The following PCDHGB6 variants were observed in gnomAD, a reference collection of about 807,000 sequenced individuals.
The protein encoded by PCDHGB6 is protocadherin gamma subfamily B, 6, also known as protocadherin gamma-B6.
A neutral mutation model predicts 59.1 loss-of-function variants in PCDHGB6; 51 were observed. The observed-to-expected ratio is 0.86, with a 90% confidence interval of 0.69 to 1.09. The LOEUF is 1.09. Ranked by LOEUF, PCDHGB6 falls within the 50% of genes least tolerant of loss-of-function variation. The probability of loss-of-function intolerance (pLI) is 0.00; values close to 1 mark genes in which losing one functional copy is unlikely to be tolerated. For synonymous variants in PCDHGB6, 466 were observed against 495.1 expected, an observed-to-expected ratio of 0.94 and a Z score of 0.78; for missense variants, 1,148 against 1,205.1, an observed-to-expected ratio of 0.95 and a Z score of 0.70.
intron 1 of PCDHGB6, among the ~76,000 whole-genome samples, chr5:141,488,969 CCAAT>C (rs1303368467): frequency 4.6e-5 from 7 of 152,106 alleles, no homozygotes; most frequent in Non-Finnish European, 7.4e-5. Context: ...GACTTTTTGG[CCAAT>C]CAGACTCAGA....
At chr5:141,509,631 C>A (rs1250891268) in intron 3 of PCDHGB6, among the ~76,000 whole-genome samples, 1 of 152,200 alleles carries the variant, frequency 6.6e-6, no homozygotes, top group East Asian at 1.9e-4. Flanking sequence ...CTGGGTGATG[C>A]TGAGCCAGGG....
At chr5:141,421,892 T>C in intron 1 of PCDHGB6, 1 of 1,613,684 alleles carries the variant, frequency 6.2e-7, no homozygotes, top group Non-Finnish European at 8.5e-7. Context: ...GGCGATCCCA[T>C]CCGAAAGGGC....
chr5:141,430,953 G>A (rs2097330054), intron 1 of PCDHGB6: 1 of 1,611,124 alleles, frequency 6.2e-7, no homozygotes, highest in African/African-American at 1.3e-5. Context: ...CGCGGAGTCC[G>A]CATCATCCCC....
At chr5:141,495,437 C>T (rs2099761356) in intron 2 of PCDHGB6, among the ~76,000 whole-genome samples, 1 of 152,178 alleles carries the variant, frequency 6.6e-6, no homozygotes, top group East Asian at 1.9e-4. Flanking sequence ...GTCCTCTGCC[C>T]CTACTTGTCC....
At chr5:141,447,647 T>C (rs1338920727) in intron 1 of PCDHGB6, among the ~76,000 whole-genome samples, 1 of 152,092 alleles carries the variant, frequency 6.6e-6, no homozygotes, top group African/African-American at 2.4e-5. Flanking sequence ...GATGGTAGAA[T>C]TTTCCCCCCC....
intron 1 of PCDHGB6, chr5:141,414,450 A>C (rs759840643): frequency 9.3e-6 from 15 of 1,613,772 alleles, no homozygotes. Context: ...ACAATATCAC[A>C]GTGACAGCCA....
intron 1 of PCDHGB6, among the ~76,000 whole-genome samples, chr5:141,472,935 A>G (rs1593400204): frequency 6.6e-6 from 1 of 150,778 alleles, no homozygotes; most frequent in East Asian, 1.9e-4. Context: ...GTGGTGAGCC[A>G]AGATTATGCC....
At chr5:141,419,190 A>G in intron 1 of PCDHGB6, 1 of 1,613,930 alleles carries the variant, frequency 6.2e-7, no homozygotes, top group South Asian at 1.1e-5. Flanking sequence ...CACATTACTG[A>G]CGTCAATGAC....
rs1212381177 is a variant in PCDHGB6 at position 141,438,571 on chromosome 5, TATAC to T, written c.2418+27971_2418+27974del. ...GCCCTAATAAGAGGCAGCTGTCTGATATACATACATACATACATACATATATATA... is the reference window on the plus strand; with the variant it reads ...GCCCTAATAAGAGGCAGCTGTCTGATATACATACATACATACATATATATA... On this transcript the variant is annotated intron_variant, in intron 1 of 3. Transcript: ENST00000520790. 9.4e-4 allele frequency among the ~76,000 whole-genome samples: 89 copies of T among 94,500 alleles called. 1 individual carries two copies. The highest frequency in any genetic ancestry group is 1.8e-3 in the African/African-American group (37 of 20,720). The allele number at this position is 94,500 out of a possible 152,430, so 62.0% of individuals were successfully genotyped here.
chr5:141,478,381 C>T (rs931860600), intron 1 of PCDHGB6: 22 of 1,613,664 alleles, frequency 1.4e-5, no homozygotes, highest in Non-Finnish European at 1.8e-5. Flanking sequence ...TGTCGCCGCA[C>T]CTTTACCATC....
rs558074504 is a variant in PCDHGB6, at chr5:141,489,065, C to G, written c.2419-5742C>G. On this transcript the variant is annotated intron_variant, in intron 1 of 3. Coordinates refer to ENST00000520790, the MANE Select transcript of PCDHGB6 (RefSeq NM_018926.3). This position sits in a 1 kb window ranked among gnomAD's most constrained non-coding sequence, Gnocchi z 4.5. ...CCACTCAAATTCAGCTCCCCTCCCC[C>G]CTGCCCACCCCCGCCACTCGGTGAC... is the stretch of plus-strand genomic sequence containing the variant. The G allele has an allele frequency of 1.5e-4, 57 of 389,046 alleles. No homozygotes were observed. Among genetic ancestry groups the G allele is most frequent in the African/African-American group, 8.5e-4 (40 of 47,278 alleles). 24.1% of individuals were successfully genotyped at this position (389,046 alleles called of 1,614,324 possible).
chr5:141,437,217 T>G (rs2097868672), intron 1 of PCDHGB6, among the ~76,000 whole-genome samples: 1 of 152,230 alleles, frequency 6.6e-6, no homozygotes, highest in Admixed American at 6.5e-5. Flanking sequence ...TTATTCTGAT[T>G]CCAGTCATAA....
rs1376914747 is a variant in PCDHGB6, at chr5:141,432,008, A to T, written c.2418+21388A>T. On this transcript the variant is annotated intron_variant, in intron 1 of 3. Coordinates refer to ENST00000520790, the MANE Select transcript of PCDHGB6 (RefSeq NM_018926.3). This position sits in a 1 kb window ranked among gnomAD's most constrained non-coding sequence, Gnocchi z 6.0. ...AGTCTTGGATAGGGAACAGGTTCCT[A>T]GCTACAACATCACAGTGACCGCCAC... 1 of 1,614,200 alleles carries T rather than the reference A, an allele frequency of 6.2e-7. No homozygotes were observed. The highest frequency in any genetic ancestry group is 2.2e-5 in the East Asian group (1 of 44,888).
Position 141,454,549 on chromosome 5 carries a change from G to A in PCDHGB6, c.2419-40258G>A, listed in dbSNP as rs188623155. ...AGCCTCCCAAGTAGCTGAGATTACA[G>A]GCATGTGCCACCACGCCCGGCTAAT... On this transcript the variant is annotated intron_variant, in intron 1 of 3. Transcript: ENST00000520790. Among the ~76,000 whole-genome samples, 406 of 152,154 alleles carry A rather than the reference G, an allele frequency of 2.7e-3. 2 individuals are homozygous for A. The highest frequency in any genetic ancestry group is 0.021 in the South Asian group (99 of 4,814).
intron 1 of PCDHGB6, chr5:141,422,772 C>A: frequency 6.2e-7 from 1 of 1,613,922 alleles, no homozygotes. Flanking sequence ...CTGGTGTTCT[C>A]TATGCCCTAC....
At chr5:141,473,738 C>T (rs755682627) in intron 1 of PCDHGB6, among the ~76,000 whole-genome samples, 2 of 152,310 alleles carry the variant, frequency 1.3e-5, no homozygotes, top group Non-Finnish European at 2.9e-5. Flanking sequence ...AGGGAGAAGA[C>T]ATGAGAACTT....
chr5:141,423,201 C>G, intron 1 of PCDHGB6: 1 of 1,613,628 alleles, frequency 6.2e-7, no homozygotes, highest in Non-Finnish European at 8.5e-7. Context: ...TCTCGGCCAC[C>G]GTCACGCTCA....
chr5:141,414,007 A>G (rs1047239460), intron 1 of PCDHGB6: 2 of 1,613,292 alleles, frequency 1.2e-6, no homozygotes, highest in Non-Finnish European at 1.7e-6. Flanking sequence ...CGAAGGTGCC[A>G]ATGGAGAAGT....
chr5:141,495,005 CG>C (rs2099758180), intron 2 of PCDHGB6, 140 bp downstream of exon 2: 2 of 1,522,694 alleles, frequency 1.3e-6, no homozygotes, highest in African/African-American at 1.4e-5. Context: ...TCTTGGTGTG[CG>C]GGGGGCTGGC....
Sources: allele counts gnomAD v4.1 joint callset (sites outside exome capture counted in the v4.1 genomes callset), GRCh38; gene constraint gnomAD v4.1.1; non-coding constraint Gnocchi (gnomAD v3.1); transcripts MANE v1.5; gene names NCBI Gene and HGNC (gene_info 2026-07-23, HGNC 2026-07-21).